Variants in TUSC3 observed in about 807,000 individuals in gnomAD.
TUSC3 encodes the protein tumor suppressor candidate 3.
In TUSC3, 45 loss-of-function variants were observed where a neutral mutation model predicts 44.8. The observed-to-expected ratio is 1.00, with a 90% CI of 0.79 to 1.29. The LOEUF is 1.29. Among genes scored for constraint, TUSC3 ranks in the 50% most tolerant of loss-of-function variants. TUSC3 has a pLI of 0.00. For synonymous variants in TUSC3, 212 were observed against 152.9 expected (o/e 1.39, Z -2.85); for missense variants, 519 against 437.9 (o/e 1.19, Z -1.65).
the TUSC3 span, among the ~76,000 whole-genome samples, chr8:15,776,568 T>TACTTCATTACTTC: frequency 6.6e-6 from 1 of 152,152 alleles, no homozygotes; most frequent in African/African-American, 2.4e-5. Context: ...AACTTCATTG[T>TACTTCATTACTTC]GTTACTAATA....
At chr8:15,623,006 T>G (rs532628264) in intron 1 of TUSC3, 74 bp from the exon 2 acceptor site, 10 of 1,429,192 alleles carry the variant, frequency 7.0e-6, no homozygotes, top group Non-Finnish European at 9.7e-6. Flanking sequence ...ATAAAACATT[T>G]TATGCATTTA....
At chr8:15,782,413 A>T in the TUSC3 span, among the ~76,000 whole-genome samples, 1 of 152,144 alleles carries the variant, frequency 6.6e-6, no homozygotes, top group Admixed American at 6.6e-5. Flanking sequence ...CAGGAATTTG[A>T]AGCTGCAGTG....
chr8:15,582,805 C>G (rs984360787), intron 1 of TUSC3, among the ~76,000 whole-genome samples: 7 of 152,232 alleles, frequency 4.6e-5, no homozygotes, highest in Non-Finnish European at 8.8e-5. Flanking sequence ...CAGTCACTCA[C>G]CACCTCCCCA....
intron 6 of TUSC3, among the ~76,000 whole-genome samples, chr8:15,678,178 C>A (rs1808270970): frequency 6.6e-6 from 1 of 152,096 alleles, no homozygotes; most frequent in African/African-American, 2.4e-5. Flanking sequence ...ATATATACGC[C>A]AGATCTCATC....
chr8:15,761,973 A>T (rs2129224870), intron 10 of TUSC3, among the ~76,000 whole-genome samples: 1 of 152,244 alleles, frequency 6.6e-6, no homozygotes, highest in African/African-American at 2.4e-5. Flanking sequence ...TCTTGTTTAG[A>T]AATGAGAGAC....
At chr8:15,799,132 AAACC>A in the TUSC3 span, among the ~76,000 whole-genome samples, 1 of 152,126 alleles carries the variant, frequency 6.6e-6, no homozygotes, top group African/African-American at 2.4e-5. Context: ...CCCAAAACAA[AAACC>A]AACCACTCTA....
intron 6 of TUSC3, among the ~76,000 whole-genome samples, chr8:15,690,015 T>G (rs1482904370): frequency 2.6e-5 from 4 of 152,214 alleles, no homozygotes; most frequent in East Asian, 3.9e-4. Flanking sequence ...TTATATTTTT[T>G]GGGGTGTATA....
intron 1 of TUSC3, among the ~76,000 whole-genome samples, chr8:15,426,739 A>T (rs535087900): frequency 3.9e-4 from 59 of 152,330 alleles, no homozygotes; most frequent in African/African-American, 1.4e-3. Flanking sequence ...TCTTTTGGAC[A>T]TATACTCAGA....
intron 6 of TUSC3, among the ~76,000 whole-genome samples, chr8:15,729,142 T>C (rs1345566803): frequency 3.3e-5 from 5 of 152,196 alleles, no homozygotes; most frequent in Admixed American, 3.3e-4. Context: ...AGGCAAACTA[T>C]TTTGCAGTTG....
chr8:15,597,527 C>G lies in TUSC3; in HGVS notation c.139-25553C>G, dbSNP rs912374199. Reference sequence around the variant, plus strand: ...AGTGAGCTTTAAGTTAAATAAAATTCTTTGCAAATCATTTTTTAAGAGAAT... The same window carrying G: ...AGTGAGCTTTAAGTTAAATAAAATTGTTTGCAAATCATTTTTTAAGAGAAT... On this transcript the variant is annotated intron_variant, in intron 1 of 10. Transcript: ENST00000503731. Among the ~76,000 whole-genome samples the G allele has an allele frequency of 2.0e-5, 3 of 152,120 alleles. No homozygotes were observed. The South Asian group carries it at 6.2e-4, about 32-fold the overall frequency.
chr8:15,622,659 G>T (rs1805302357), intron 1 of TUSC3, among the ~76,000 whole-genome samples: 1 of 152,142 alleles, frequency 6.6e-6, no homozygotes, highest in Non-Finnish European at 1.5e-5. Context: ...TTGTGTTTGT[G>T]GGGGTGGTTG....
At chr8:15,792,679 G>A in the TUSC3 span, among the ~76,000 whole-genome samples, 423 of 151,996 alleles carry the variant, frequency 2.8e-3, 2 homozygotes, top group African/African-American at 9.8e-3. Flanking sequence ...GCAGTGGTGC[G>A]ATCTCAACCC....
chr8:15,610,701 A>G (rs1006479321), intron 1 of TUSC3, among the ~76,000 whole-genome samples: 1 of 152,198 alleles, frequency 6.6e-6, no homozygotes, highest in Non-Finnish European at 1.5e-5. Context: ...TAAAAAAGTG[A>G]CATTTGAATA....
chr8:15,494,289 C>G (rs1435215926), intron 2 of TUSC3, among the ~76,000 whole-genome samples: 2 of 149,858 alleles, frequency 1.3e-5, no homozygotes, highest in Non-Finnish European at 3.0e-5. Context: ...TCTCAGGCCC[C>G]TGAATCTCCA....
chr8:15,635,262 T>C (rs1205925455), intron 2 of TUSC3, among the ~76,000 whole-genome samples: 1 of 152,200 alleles, frequency 6.6e-6, no homozygotes, highest in Non-Finnish European at 1.5e-5. Context: ...AGATGAACTC[T>C]TTCTTGGGAT....
intron 1 of TUSC3, among the ~76,000 whole-genome samples, chr8:15,446,078 C>T (rs142906480): frequency 0.01 from 1,543 of 149,514 alleles, 89 homozygotes; most frequent in Admixed American, 0.09. Context: ...ACGCTCCTCA[C>T]CTCCCAGACG....
At chr8:15,772,568 G>T in the TUSC3 span, among the ~76,000 whole-genome samples, 2 of 152,130 alleles carry the variant, frequency 1.3e-5, no homozygotes, top group Non-Finnish European at 2.9e-5. Context: ...TGACTTCACT[G>T]GTGAGTTACA....
the TUSC3 span, among the ~76,000 whole-genome samples, chr8:15,800,882 T>C: frequency 5.3e-5 from 8 of 152,180 alleles, no homozygotes; most frequent in Admixed American, 2.6e-4. Flanking sequence ...AACATGCTTG[T>C]TCTGAAAACT....
intron 2 of TUSC3, among the ~76,000 whole-genome samples, chr8:15,494,834 C>T (rs1800858323): frequency 6.6e-6 from 1 of 152,162 alleles, no homozygotes; most frequent in Non-Finnish European, 1.5e-5. Flanking sequence ...TGTGTAACTG[C>T]AAGCTCTTTC....
Sources: gnomAD v4.1 joint callset for allele counts (sites outside exome capture counted in the v4.1 genomes callset) on GRCh38, gnomAD v4.1.1 for gene constraint, MANE v1.5 for transcripts, NCBI Gene and HGNC (gene_info 2026-07-23, HGNC 2026-07-21) for gene names.